Variants in GPC5 observed in about 807,000 individuals in gnomAD.
The protein encoded by GPC5 is glypican 5.
A neutral mutation model predicts 53.9 loss-of-function variants in GPC5; 47 were observed. The observed-to-expected ratio is 0.87, with a 90% CI of 0.69 to 1.11. GPC5 has a LOEUF of 1.11. Among genes scored for constraint, GPC5 ranks in the 50% most tolerant of loss-of-function variants. The pLI is 0.00. For synonymous variants in GPC5, 286 were observed against 263.3 expected, an observed-to-expected ratio of 1.09 and a Z score of -0.84; for missense variants, 748 against 713.1, an observed-to-expected ratio of 1.05 and a Z score of -0.56.
chr13:92,784,541 T>C (rs538482342), intron 7 of GPC5, among the ~76,000 whole-genome samples: 12 of 152,222 alleles, frequency 7.9e-5, no homozygotes, highest in Non-Finnish European at 1.5e-4. Context: ...GGTCACTTCA[T>C]CTGTGACATT....
At chr13:92,555,775 G>A (rs1438785358) in intron 7 of GPC5, among the ~76,000 whole-genome samples, 1 of 149,678 alleles carries the variant, frequency 6.7e-6, no homozygotes, top group South Asian at 2.1e-4. Context: ...TAATAAATAT[G>A]TTTAAAATAT....
At chr13:91,573,144 C>T (rs1466676898) in intron 2 of GPC5, among the ~76,000 whole-genome samples, 1 of 152,146 alleles carries the variant, frequency 6.6e-6, no homozygotes, top group Non-Finnish European at 1.5e-5. Flanking sequence ...AAGTTTTACA[C>T]AATTCAGGTC....
intron 6 of GPC5, among the ~76,000 whole-genome samples, chr13:91,909,469 A>G (rs2039588732): frequency 6.6e-6 from 1 of 152,148 alleles, no homozygotes; most frequent in Non-Finnish European, 1.5e-5. Context: ...TGCAGGAAGA[A>G]AAAACAGACC....
intron 7 of GPC5, among the ~76,000 whole-genome samples, chr13:92,630,698 T>A (rs558246814): frequency 8.5e-5 from 13 of 152,178 alleles, no homozygotes; most frequent in East Asian, 3.9e-4. Flanking sequence ...TAATAAAAAA[T>A]TTTTTTAAAC....
chr13:91,545,777 A>G (rs1029371425), intron 2 of GPC5, among the ~76,000 whole-genome samples: 4 of 152,078 alleles, frequency 2.6e-5, no homozygotes, highest in Admixed American at 6.6e-5. Context: ...GATACTTCAT[A>G]TAAGTAGAAT....
chr13:92,522,684 G>A (rs996621527), intron 7 of GPC5, among the ~76,000 whole-genome samples: 1 of 152,028 alleles, frequency 6.6e-6, no homozygotes, highest in Admixed American at 6.6e-5. Flanking sequence ...GAGTTAATGG[G>A]TGAAGCACTC....
At chr13:92,252,685 G>T (rs1449931924) in intron 7 of GPC5, among the ~76,000 whole-genome samples, 4 of 152,046 alleles carry the variant, frequency 2.6e-5, no homozygotes, top group South Asian at 2.1e-4. Context: ...TTACCAGAAA[G>T]TTACATAATC....
intron 2 of GPC5, among the ~76,000 whole-genome samples, chr13:91,656,440 A>G (rs559236941): frequency 6.6e-6 from 1 of 152,336 alleles, no homozygotes; most frequent in African/African-American, 2.4e-5. Flanking sequence ...AATGGACCAT[A>G]GCCTAATATT....
chr13:92,813,728 C>T (rs1016097783), intron 7 of GPC5, among the ~76,000 whole-genome samples: 2 of 151,922 alleles, frequency 1.3e-5, no homozygotes, highest in East Asian at 1.9e-4. Flanking sequence ...CAAAGCATTG[C>T]TGAGAGTAAA....
At chr13:92,053,553 T>C (rs949764859) in intron 6 of GPC5, among the ~76,000 whole-genome samples, 9 of 152,180 alleles carry the variant, frequency 5.9e-5, no homozygotes, top group Non-Finnish European at 1.0e-4. Context: ...GTTTGGGTCG[T>C]CTTTCTTTCT....
intron 5 of GPC5, among the ~76,000 whole-genome samples, chr13:91,825,920 G>A (rs762960326): frequency 9.2e-5 from 14 of 151,994 alleles, no homozygotes; most frequent in Non-Finnish European, 1.8e-4. Flanking sequence ...CATGAGGGAA[G>A]CTCCAAACAT....
intron 7 of GPC5, among the ~76,000 whole-genome samples, chr13:92,855,752 G>T (rs923357459): frequency 1.3e-5 from 2 of 151,920 alleles, no homozygotes; most frequent in African/African-American, 4.8e-5. Context: ...AAAATCTTGA[G>T]AAAATGGATA....
chr13:91,478,612 T>A (rs1883078779), intron 2 of GPC5, among the ~76,000 whole-genome samples: 1 of 151,080 alleles, frequency 6.6e-6, no homozygotes, highest in Admixed American at 6.6e-5. Flanking sequence ...ACAGATATAT[T>A]TTTATTAAAG....
At chr13:92,241,028 G>T (rs1379956120) in intron 7 of GPC5, 2 of 151,938 alleles carry the variant, frequency 1.3e-5, no homozygotes, top group East Asian at 1.9e-4. Context: ...CTACATTTTT[G>T]CCCAGAACCA....
intron 6 of GPC5, among the ~76,000 whole-genome samples, chr13:91,983,474 T>C (rs2040379506): frequency 6.6e-6 from 1 of 152,150 alleles, no homozygotes; most frequent in Admixed American, 6.6e-5. Flanking sequence ...CTGTATTTTT[T>C]CATTGAACTG....
intron 6 of GPC5, among the ~76,000 whole-genome samples, chr13:91,927,460 A>G (rs964767207): frequency 1.3e-5 from 2 of 152,160 alleles, no homozygotes; most frequent in African/African-American, 4.8e-5. Flanking sequence ...ATAACAATAT[A>G]TACTATTCTA....
At chr13:91,514,234 G>A (rs1885381122) in intron 2 of GPC5, among the ~76,000 whole-genome samples, 1 of 152,102 alleles carries the variant, frequency 6.6e-6, no homozygotes, top group African/African-American at 2.4e-5. Flanking sequence ...TTTTTTTCCT[G>A]AATGGCTGTA....
chr13:92,842,340 C>T (rs561065918), intron 7 of GPC5, among the ~76,000 whole-genome samples: 2 of 152,020 alleles, frequency 1.3e-5, no homozygotes, highest in Admixed American at 6.6e-5. Context: ...CTTGCCTTCT[C>T]GAGGTCCTTT....
chr13:92,765,987 A>G (rs755205462), intron 7 of GPC5, among the ~76,000 whole-genome samples: 9 of 152,100 alleles, frequency 5.9e-5, no homozygotes, highest in Non-Finnish European at 8.8e-5. Flanking sequence ...GGCTTTGCTG[A>G]GTTTGGGCTC....
Sources: allele counts gnomAD v4.1 joint callset (sites outside exome capture counted in the v4.1 genomes callset), GRCh38; gene constraint gnomAD v4.1.1; transcripts MANE v1.5; gene names NCBI Gene and HGNC (gene_info 2026-07-23, HGNC 2026-07-21).